Variants in STYXL2 observed in about 807,000 individuals in gnomAD.
STYXL2 encodes serine/threonine/tyrosine-interacting-like protein 2.
Under a neutral mutation model 52.4 loss-of-function variants are expected in STYXL2, and 44 were observed. The ratio of observed to expected loss-of-function variants is 0.84; its 90% CI spans 0.66 to 1.08. The LOEUF is 1.08. Among genes scored for constraint, STYXL2 ranks in the 50% least tolerant of loss-of-function variants. The pLI is 0.00. For synonymous variants in STYXL2, 604 were observed against 586.9 expected (o/e 1.03, Z -0.42); for missense variants, 1,604 against 1,471.7 (o/e 1.09, Z -1.47).
At chr1:167,103,713 T>G (rs897215576) in intron 2 of STYXL2, among the ~76,000 whole-genome samples, 1 of 152,194 alleles carries the variant, frequency 6.6e-6, no homozygotes, top group Non-Finnish European at 1.5e-5. Context: ...AAGTGATTCA[T>G]GAGTTGACAC....
intron 2 of STYXL2, among the ~76,000 whole-genome samples, chr1:167,108,255 C>A (rs557088818): frequency 5.9e-5 from 9 of 152,198 alleles, no homozygotes; most frequent in Non-Finnish European, 1.0e-4. Context: ...TGATCACCCT[C>A]CATCTGCTAG....
intron 5 of STYXL2, among the ~76,000 whole-genome samples, chr1:167,122,464 C>A (rs1163114476): frequency 6.6e-6 from 1 of 152,044 alleles, no homozygotes; most frequent in Admixed American, 6.6e-5. Flanking sequence ...TGAGTTCCAT[C>A]AGCAGTGGCA....
chr1:167,121,319 C>T (rs1667851368), intron 5 of STYXL2, among the ~76,000 whole-genome samples: 1 of 152,208 alleles, frequency 6.6e-6, no homozygotes, highest in Non-Finnish European at 1.5e-5. Flanking sequence ...CAAAAAACTC[C>T]TTCTTTTTAA....
chr1:167,117,778 G>C (rs979351390), intron 4 of STYXL2, among the ~76,000 whole-genome samples: 2 of 152,164 alleles, frequency 1.3e-5, no homozygotes, highest in East Asian at 1.9e-4. Flanking sequence ...CTTATCCTTT[G>C]CCCTCTTGCC....
At chr1:167,111,503 T>C (rs554756691) in intron 2 of STYXL2, among the ~76,000 whole-genome samples, 3 of 48,826 alleles carry the variant, frequency 6.1e-5, no homozygotes, top group African/African-American at 4.8e-4. Context: ...TATATATATA[T>C]ATATATATAT....
At position 167,128,335 on chromosome 1, in the gene STYXL2, G is replaced by A. The variant is rs1411636648; in HGVS notation, c.3204G>A (p.Trp1068Ter). The change falls in exon 6 of 6, where the codon TGG (tryptophan) becomes TGA (stop). Residue 1068 changes from tryptophan to a stop codon, truncating the protein, a stop_gained. Transcript: ENST00000361200. LOFTEE classifies it high-confidence loss of function. ...QRPNWARSRD[W>*]EDVEESSKSD... is the part of the protein sequence containing the mutation. ...CAAATTGGGCCAGGTCCAGGGACTG[G>A]GAAGATGTGGAAGAGTCATCCAAGT... The A allele has an allele frequency of 1.2e-6, 2 of 1,614,106 alleles. No individual in the cohort carries two copies. Among genetic ancestry groups the A allele is most frequent in the Middle Eastern group, 1.7e-4 (1 of 6,060 alleles).
chr1:167,097,502 G>A (rs1667312275), intron 2 of STYXL2, among the ~76,000 whole-genome samples: 1 of 152,132 alleles, frequency 6.6e-6, no homozygotes, highest in Non-Finnish European at 1.5e-5. Flanking sequence ...GTAAATTTGG[G>A]TGTGGAGTCC....
At chr1:167,117,264 C>T (rs1667743844) in intron 3 of STYXL2, 64 bp from the exon 4 acceptor site, 1 of 1,413,864 alleles carries the variant, frequency 7.1e-7, no homozygotes, top group African/African-American at 1.4e-5. Flanking sequence ...CATGTTCTCC[C>T]CAGGAACAAG....
intron 2 of STYXL2, among the ~76,000 whole-genome samples, chr1:167,111,513 T>TATATATACATACAC (rs1211215448): frequency 4.0e-5 from 2 of 50,120 alleles, no homozygotes. Context: ...TATATATATA[T>TATATATACATACAC]ACACACACAC....
At chr1:167,108,303 T>C (rs1024496590) in intron 2 of STYXL2, among the ~76,000 whole-genome samples, 1 of 152,192 alleles carries the variant, frequency 6.6e-6, no homozygotes, top group African/African-American at 2.4e-5. Context: ...CCACCTAATC[T>C]GTACCTTTAT....
At chr1:167,107,477 A>G (rs939495112) in intron 2 of STYXL2, among the ~76,000 whole-genome samples, 1 of 152,214 alleles carries the variant, frequency 6.6e-6, no homozygotes, top group East Asian at 1.9e-4. Context: ...TCTGAAGGGC[A>G]GAGAGTAGGC....
intron 3 of STYXL2, among the ~76,000 whole-genome samples, chr1:167,115,639 G>A (rs1010436523): frequency 6.6e-6 from 1 of 152,162 alleles, no homozygotes; most frequent in Non-Finnish European, 1.5e-5. Context: ...AGACATCTAA[G>A]TAGACACGGG....
chr1:167,098,227 G>T (rs1180001424), intron 2 of STYXL2, among the ~76,000 whole-genome samples: 2 of 151,950 alleles, frequency 1.3e-5, no homozygotes, highest in South Asian at 2.1e-4. Flanking sequence ...GGTCAGCATT[G>T]TCTCGATCTC....
intron 2 of STYXL2, among the ~76,000 whole-genome samples, chr1:167,099,168 T>C (rs1157907441): frequency 6.6e-6 from 1 of 151,938 alleles, no homozygotes; most frequent in Non-Finnish European, 1.5e-5. Flanking sequence ...CCTCAAAATA[T>C]ATAAGGCAAA....
At position 167,126,697 on chromosome 1, in the gene STYXL2, C is replaced by A; in HGVS notation, c.1566C>A (p.Ser522Arg). 1 of 1,614,160 alleles carries A rather than the reference C, an allele frequency of 6.2e-7. No homozygotes were observed. The highest frequency in any genetic ancestry group is 8.5e-7 in the Non-Finnish European group (1 of 1,180,036). Residue 522 changes from serine (S) to arginine (R), a missense_variant, in exon 6 of 6, where the codon AGC (serine) becomes AGA (arginine). Coordinates refer to ENST00000361200, the MANE Select transcript of STYXL2 (RefSeq NM_001080426.3). ...GSRVREDDEDSVGSEASSFYN... is the reference protein window; with the variant it reads ...GSRVREDDEDRVGSEASSFYN... Reference sequence around the variant, plus strand: ...GGGTGCGGGAGGATGATGAGGACAGCGTGGGCTCTGAGGCCAGTTCCTTCT... The same window carrying A: ...GGGTGCGGGAGGATGATGAGGACAGAGTGGGCTCTGAGGCCAGTTCCTTCT...
intron 2 of STYXL2, among the ~76,000 whole-genome samples, chr1:167,101,240 A>G (rs1667397401): frequency 6.6e-6 from 1 of 152,214 alleles, no homozygotes; most frequent in East Asian, 1.9e-4. Context: ...AAAATCCTTA[A>G]TCATTAGGGA....
At position 167,117,415 on chromosome 1, in the gene STYXL2, A is replaced by G. The variant is rs1571342505; in HGVS notation, c.293A>G (p.Asn98Ser). ...AEQLLVEDLYNRVREKMDDTS... is the reference protein window; with the variant it reads ...AEQLLVEDLYSRVREKMDDTS... Reference sequence around the variant, plus strand: ...CAGCTGCTGGTGGAGGACCTGTACAACCGCGTCAGGGAGAAGATGGATGAC... The same window carrying G: ...CAGCTGCTGGTGGAGGACCTGTACAGCCGCGTCAGGGAGAAGATGGATGAC... Residue 98 changes from asparagine (N) to serine (S), a missense_variant, in exon 4 of 6, where the codon AAC becomes AGC. Transcript: ENST00000361200. The G allele has an allele frequency of 6.2e-7, 1 of 1,612,712 alleles. No homozygotes were observed. The highest frequency in any genetic ancestry group is 2.2e-5 in the East Asian group (1 of 44,808).
At chr1:167,101,780 AAC>A in intron 2 of STYXL2, among the ~76,000 whole-genome samples, 1 of 151,164 alleles carries the variant, frequency 6.6e-6, no homozygotes, top group Non-Finnish European at 1.5e-5. Context: ...CAGCCTAGGC[AAC>A]AGAGTGACAG....
At chr1:167,105,426 T>C (rs986071840) in intron 2 of STYXL2, among the ~76,000 whole-genome samples, 11 of 152,214 alleles carry the variant, frequency 7.2e-5, no homozygotes, top group Non-Finnish European at 1.2e-4. Context: ...GTCCTTTTTT[T>C]CCCTGCCTGT....
Sources: allele counts gnomAD v4.1 joint callset (sites outside exome capture counted in the v4.1 genomes callset), GRCh38; gene constraint gnomAD v4.1.1; transcripts MANE v1.5; gene names NCBI Gene and HGNC (gene_info 2026-07-23, HGNC 2026-07-21).